The following TRMT44 variants were observed in gnomAD, a reference collection of about 807,000 sequenced individuals.
The protein encoded by TRMT44 is tRNA methyltransferase 44 homolog, also known as probable tRNA (uracil-O(2)-)-methyltransferase.
Under a neutral mutation model 77.3 loss-of-function variants are expected in TRMT44, and 78 were observed. The observed-to-expected ratio is 1.01, with a 90% CI of 0.84 to 1.22. The LOEUF is 1.22. TRMT44 is among the 50% of genes most tolerant of loss of function. The pLI, the probability that TRMT44 is intolerant of heterozygous loss-of-function variation, is 0.00. For synonymous variants in TRMT44, 391 were observed against 383.3 expected, an observed-to-expected ratio of 1.02 and a Z score of -0.23; for missense variants, 1,090 against 964.4, an observed-to-expected ratio of 1.13 and a Z score of -1.73.
chr4:8,474,413 A>G (rs1203760322), intron 10 of TRMT44, among the ~76,000 whole-genome samples: 1 of 151,954 alleles, frequency 6.6e-6, no homozygotes, highest in Non-Finnish European at 1.5e-5. Context: ...CGAGACAGAG[A>G]GGCAGCCGTG....
intron 6 of TRMT44, among the ~76,000 whole-genome samples, chr4:8,459,460 C>A (rs1052283535): frequency 2.6e-5 from 4 of 152,174 alleles, no homozygotes; most frequent in Non-Finnish European, 4.4e-5. Context: ...GTTAGGTCAG[C>A]CATGTGTACG....
downstream of TRMT44, among the ~76,000 whole-genome samples, chr4:8,495,467 T>C (rs1728124656): frequency 6.6e-6 from 1 of 152,200 alleles, no homozygotes; most frequent in Non-Finnish European, 1.5e-5. Context: ...CCAGTCATGG[T>C]GCATGGTGGT....
the TRMT44 span, among the ~76,000 whole-genome samples, chr4:8,513,150 A>G: frequency 6.6e-6 from 1 of 152,180 alleles, no homozygotes; most frequent in Non-Finnish European, 1.5e-5. Context: ...TGACTTCAGG[A>G]TAAAGAAATA....
chr4:8,457,024 C>G (rs890953954), intron 6 of TRMT44, among the ~76,000 whole-genome samples: 27 of 145,426 alleles, frequency 1.9e-4, no homozygotes, highest in East Asian at 1.7e-3. Flanking sequence ...CCCGCCCCCC[C>G]CCCCCAACTA....
chr4:8,448,316 G>A (rs1480360106), intron 2 of TRMT44, among the ~76,000 whole-genome samples: 3 of 152,206 alleles, frequency 2.0e-5, no homozygotes, highest in South Asian at 2.1e-4. Context: ...GGGCTGGCAC[G>A]CAGCGGGAAG....
chr4:8,450,837 G>A (rs1050694069), intron 3 of TRMT44, among the ~76,000 whole-genome samples: 2 of 125,866 alleles, frequency 1.6e-5, no homozygotes, highest in Admixed American at 1.0e-4. Flanking sequence ...TCACTCTGTC[G>A]CCTAGGCTGG....
chr4:8,491,732 C>G (rs1308429466), intron 2 of TRMT44, among the ~76,000 whole-genome samples: 2 of 152,244 alleles, frequency 1.3e-5, no homozygotes, highest in African/African-American at 4.8e-5. Flanking sequence ...CACGCCCACC[C>G]GGAACTCCAG....
chr4:8,490,751 G>A (rs150259153), intron 2 of TRMT44, among the ~76,000 whole-genome samples: 1 of 152,146 alleles, frequency 6.6e-6, no homozygotes. Flanking sequence ...AAGGGGCCCC[G>A]AGCGGGTTGC....
chr4:8,483,014 T>A (rs1448107540), intron 2 of TRMT44, among the ~76,000 whole-genome samples: 1 of 151,946 alleles, frequency 6.6e-6, no homozygotes, highest in African/African-American at 2.4e-5. Flanking sequence ...AGCTGAAGGA[T>A]GATTTCGTGG....
rs1431462487 is a variant in TRMT44 at position 8,461,320 on chromosome 4, A to G, written c.1204-2665A>G. Among the ~76,000 whole-genome samples the G allele has an allele frequency of 5.9e-5, 9 of 152,292 alleles. No homozygotes were observed. Among genetic ancestry groups the G allele is most frequent in the African/African-American group, 1.9e-4 (8 of 41,558 alleles). ...GGCTCTGCAAATATGTGTGTAGACTATAGACTCTCACACATGTCCCAGAAT... is the reference window on the plus strand; with the variant it reads ...GGCTCTGCAAATATGTGTGTAGACTGTAGACTCTCACACATGTCCCAGAAT... On this transcript the variant is annotated intron_variant, in intron 6 of 10. Transcript: ENST00000389737. This position sits in a 1 kb window ranked among gnomAD's most constrained non-coding sequence, Gnocchi z 4.6.
intron 2 of TRMT44, among the ~76,000 whole-genome samples, chr4:8,448,929 A>G (rs953322893): frequency 5.3e-5 from 8 of 152,136 alleles, no homozygotes; most frequent in Non-Finnish European, 1.0e-4. Context: ...GTTGAATGTC[A>G]CTTTTATCGT....
At chr4:8,480,344 T>C (rs1040720240), downstream of TRMT44, among the ~76,000 whole-genome samples, 4 of 152,184 alleles carry the variant, frequency 2.6e-5, no homozygotes, top group Non-Finnish European at 4.4e-5. Context: ...GTCTTATATA[T>C]TGGCGTACTT....
chr4:8,476,824 G>A (rs1368409220), downstream of TRMT44: 1 of 152,206 alleles, frequency 6.6e-6, no homozygotes, highest in Non-Finnish European at 1.5e-5. Context: ...GCTCACTGCA[G>A]CTTTGAACTC....
chr4:8,502,127 C>A, the TRMT44 span, among the ~76,000 whole-genome samples: 1,180 of 152,284 alleles, frequency 7.7e-3, 14 homozygotes, highest in African/African-American at 0.027. Context: ...TGGTTCTGAC[C>A]CATAAAACGG....
At position 8,461,857 on chromosome 4, in the gene TRMT44, T is replaced by C. The variant is rs1714361054; in HGVS notation, c.1204-2128T>C. On this transcript the variant is annotated intron_variant, in intron 6 of 10. Transcript: ENST00000389737. This position sits in a 1 kb window ranked among gnomAD's most constrained non-coding sequence, Gnocchi z 4.6. ...CACATGGTGTTTGTGGATTTTCTAG[T>C]GAATGATTTCCTTCCAGCTGCAGTT... 6.6e-6 allele frequency among the ~76,000 whole-genome samples: 1 copy of C among 152,158 alleles called. No individual in the cohort carries two copies.
At chr4:8,482,534 A>C (rs1727656090) in intron 2 of TRMT44, 1 of 152,144 alleles carries the variant, frequency 6.6e-6, no homozygotes, top group Non-Finnish European at 1.5e-5. Context: ...CCATTTTATA[A>C]GATTTGGGTA....
chr4:8,493,703 C>T (rs1007059318), downstream of TRMT44, among the ~76,000 whole-genome samples: 3 of 152,038 alleles, frequency 2.0e-5, no homozygotes, highest in Non-Finnish European at 4.4e-5. Flanking sequence ...TCACCTTGCT[C>T]TCAGCGCAGC....
rs190397650 is a variant in TRMT44 at position 8,483,483 on chromosome 4, G to A, written n.3891+3950G>A. Among the ~76,000 whole-genome samples the A allele has an allele frequency of 1.9e-3, 292 of 152,236 alleles. 1 individual carries two copies. Among genetic ancestry groups the A allele is most frequent in the Non-Finnish European group, 3.5e-3 (236 of 68,008 alleles). On this transcript the variant is annotated intron_variant and non_coding_transcript_variant, in intron 2 of 2. Transcript: ENST00000511366. ...AGACTGGGGCCTAATAAAAAGGAGC[G>A]TCTATACAGGAGCTCAAATGGGCTG... is the stretch of plus-strand genomic sequence containing the variant.
At chr4:8,503,935 A>G in the TRMT44 span, among the ~76,000 whole-genome samples, 1 of 152,140 alleles carries the variant, frequency 6.6e-6, no homozygotes, top group Admixed American at 6.5e-5. Context: ...AGGCTTGCAA[A>G]CCTCAGCCTG....
Sources: gnomAD v4.1 joint callset for allele counts (sites outside exome capture counted in the v4.1 genomes callset) on GRCh38, gnomAD v4.1.1 for gene constraint, Gnocchi (gnomAD v3.1) non-coding constraint, MANE v1.5 for transcripts, NCBI Gene and HGNC (gene_info 2026-07-23, HGNC 2026-07-21) for gene names.